TMEM132B: variants seen among roughly 807,000 people sequenced by gnomAD.
The protein encoded by TMEM132B is transmembrane protein 132B.
A neutral mutation model predicts 90.8 loss-of-function variants in TMEM132B; 18 were observed. The ratio of observed to expected loss-of-function variants is 0.20; its 90% CI spans 0.14 to 0.29. TMEM132B has a LOEUF of 0.29. Among genes scored for constraint, TMEM132B ranks in the 10% least tolerant of loss-of-function variants. TMEM132B has a pLI of 1.00. For missense variants in TMEM132B, 1,096 were observed against 1,326.8 expected, an observed-to-expected ratio of 0.83 and a Z score of 2.70; for synonymous variants, 504 against 523.3, an observed-to-expected ratio of 0.96 and a Z score of 0.50.
At chr12:125,521,035 A>G (rs1489855405) in intron 4 of TMEM132B, among the ~76,000 whole-genome samples, 2 of 152,184 alleles carry the variant, frequency 1.3e-5, no homozygotes, top group Admixed American at 1.3e-4. Flanking sequence ...GTGGAATGAA[A>G]CTGCATCCCT....
intron 3 of TMEM132B, among the ~76,000 whole-genome samples, chr12:125,499,368 A>G (rs1488103872): frequency 6.6e-6 from 1 of 152,218 alleles, no homozygotes; most frequent in East Asian, 1.9e-4. Flanking sequence ...AAAAGATGAA[A>G]TGCTCCTGAT....
At chr12:125,614,442 A>G (rs1216181874) in intron 5 of TMEM132B, among the ~76,000 whole-genome samples, 1 of 152,054 alleles carries the variant, frequency 6.6e-6, no homozygotes, top group Non-Finnish European at 1.5e-5. Flanking sequence ...AAAGGACATG[A>G]TTTCATTCTT....
In TMEM132B at chr12:125,562,009, G is replaced by A. The variant is rs571148631; in HGVS notation, c.1294-21842G>A. Among the ~76,000 whole-genome samples, 35 of 152,306 alleles carry A rather than the reference G, an allele frequency of 2.3e-4. 1 individual carries two copies. In the South Asian group the frequency reaches 5.0e-3, roughly 22 times the overall value. On this transcript the variant is annotated intron_variant, in intron 4 of 8. Coordinates refer to ENST00000682704, the MANE Select transcript of TMEM132B (RefSeq NM_001366854.1). Reference sequence around the variant, plus strand: ...ATAGTATCTTCTTCCAATATAAGAAGATGGAAGTGTTTCATCTACATGGAA... The same window carrying A: ...ATAGTATCTTCTTCCAATATAAGAAAATGGAAGTGTTTCATCTACATGGAA...
At chr12:125,619,434 G>A (rs1430359298) in intron 5 of TMEM132B, among the ~76,000 whole-genome samples, 2 of 151,604 alleles carry the variant, frequency 1.3e-5, no homozygotes, top group Non-Finnish European at 2.9e-5. Flanking sequence ...ACACGATCTC[G>A]GCTCACTGCA....
rs762032967 is a variant in TMEM132B, at chr12:125,238,366, C to CAAAAAAAAAAAAAAA, written c.67+51510_67+51511insAAAAAAAAAAAAAAA. ...AGACTCCGTCTCAAAAAAAAAAAAC[C>CAAAAAAAAAAAAAAA]AAAAAAAAAACAAAAAAAAACCAAA... On this transcript the variant is annotated intron_variant, in intron 1 of 8. Transcript: ENST00000682704. Among the ~76,000 whole-genome samples, 185 of 111,400 alleles carry CAAAAAAAAAAAAAAA rather than the reference C, an allele frequency of 1.7e-3. 1 individual carries two copies. The highest frequency in any genetic ancestry group is 2.2e-3 in the Non-Finnish European group (120 of 54,654). 73.1% of individuals were successfully genotyped at this position (111,400 alleles called of 152,430 possible).
At chr12:125,359,267 A>G (rs1877885456) in intron 2 of TMEM132B, among the ~76,000 whole-genome samples, 1 of 152,218 alleles carries the variant, frequency 6.6e-6, no homozygotes, top group African/African-American at 2.4e-5. Context: ...GTAATCTCTA[A>G]CCAGATGTGT....
intron 3 of TMEM132B, among the ~76,000 whole-genome samples, chr12:125,447,812 A>G (rs1275645624): frequency 6.6e-6 from 1 of 152,222 alleles, no homozygotes; most frequent in Non-Finnish European, 1.5e-5. Flanking sequence ...CACTTTGAAT[A>G]TATCATTATA....
intron 2 of TMEM132B, among the ~76,000 whole-genome samples, chr12:125,399,018 G>A (rs1879237336): frequency 6.6e-6 from 1 of 152,182 alleles, no homozygotes; most frequent in South Asian, 2.1e-4. Flanking sequence ...CCTGGAGGCT[G>A]CCCTCTGTTC....
At chr12:125,266,544 C>G (rs1286876132) in intron 1 of TMEM132B, among the ~76,000 whole-genome samples, 2 of 152,244 alleles carry the variant, frequency 1.3e-5, no homozygotes, top group East Asian at 1.9e-4. Flanking sequence ...TCTAGTTGCT[C>G]AGGCCAGGCC....
intron 2 of TMEM132B, among the ~76,000 whole-genome samples, chr12:125,402,103 C>T (rs1488462809): frequency 6.6e-6 from 1 of 152,188 alleles, no homozygotes. Flanking sequence ...TCACGATACT[C>T]GGCTATTGAA....
chr12:125,447,281 TG>T (rs745560448), intron 3 of TMEM132B, among the ~76,000 whole-genome samples: 2 of 148,564 alleles, frequency 1.3e-5, no homozygotes, highest in Non-Finnish European at 1.5e-5. Context: ...TATTTATTTC[TG>T]TTTTTTTTTG....
intron 3 of TMEM132B, among the ~76,000 whole-genome samples, chr12:125,449,520 A>G (rs1881094392): frequency 6.6e-6 from 1 of 151,978 alleles, no homozygotes; most frequent in Non-Finnish European, 1.5e-5. Flanking sequence ...AATGTTTCCC[A>G]AGAATTAGTT....
intron 3 of TMEM132B, among the ~76,000 whole-genome samples, chr12:125,424,786 AG>A (rs1394565498): frequency 6.6e-6 from 1 of 152,080 alleles, no homozygotes; most frequent in Non-Finnish European, 1.5e-5. Context: ...CTCCGTATGG[AG>A]GGGGACTCAA....
intron 4 of TMEM132B, among the ~76,000 whole-genome samples, chr12:125,558,223 C>A (rs143926452): frequency 8.4e-4 from 128 of 152,244 alleles, no homozygotes; most frequent in African/African-American, 3.0e-3. Context: ...GGGGGATTGT[C>A]TTTGATGTCT....
intron 5 of TMEM132B, among the ~76,000 whole-genome samples, chr12:125,601,681 G>A (rs377312109): frequency 6.6e-6 from 1 of 152,068 alleles, no homozygotes; most frequent in Admixed American, 6.6e-5. Context: ...CCAGGAGCTC[G>A]ATTTTTGAAA....
At chr12:125,211,635 A>G (rs1873321168) in intron 1 of TMEM132B, among the ~76,000 whole-genome samples, 1 of 152,220 alleles carries the variant, frequency 6.6e-6, no homozygotes, top group African/African-American at 2.4e-5. Context: ...GACTAAAAAT[A>G]GAAGGCAGCA....
intron 2 of TMEM132B, among the ~76,000 whole-genome samples, chr12:125,397,345 T>G (rs941488554): frequency 1.3e-5 from 2 of 152,330 alleles, no homozygotes; most frequent in East Asian, 3.9e-4. Context: ...TAGCAGATAC[T>G]TGGCAAATAG....
At chr12:125,606,512 T>A (rs1402827742) in intron 5 of TMEM132B, among the ~76,000 whole-genome samples, 1 of 152,244 alleles carries the variant, frequency 6.6e-6, no homozygotes, top group Non-Finnish European at 1.5e-5. Flanking sequence ...CATGTGTGCA[T>A]GTGTGCCAGC....
At position 125,445,232 on chromosome 12, in the gene TMEM132B, A is replaced by G. The variant is rs1482941931; in HGVS notation, c.1106+29555A>G. 6.6e-6 allele frequency among the ~76,000 whole-genome samples: 1 copy of G among 152,086 alleles called. No individual in the cohort carries two copies. The highest frequency in any genetic ancestry group is 2.4e-5 in the African/African-American group (1 of 41,404). On this transcript the variant is annotated intron_variant, in intron 3 of 8. Coordinates refer to ENST00000682704, the MANE Select transcript of TMEM132B (RefSeq NM_001366854.1). The surrounding 1 kb of genome is among the most constrained non-coding windows in gnomAD (Gnocchi z 4.3). ...TTTTGGTAATTGTCTTTTCCCACTG[A>G]TGGAAGTGAAGCTTTGTGGTTGACG...
Sources: gnomAD v4.1 joint callset for allele counts (sites outside exome capture counted in the v4.1 genomes callset) on GRCh38, gnomAD v4.1.1 for gene constraint, Gnocchi (gnomAD v3.1) non-coding constraint, MANE v1.5 for transcripts, NCBI Gene and HGNC (gene_info 2026-07-23, HGNC 2026-07-21) for gene names.